Variants in NCAN observed in about 807,000 individuals in gnomAD.
NCAN encodes the protein neurocan core protein.
NCAN carries 47 observed loss-of-function variants against 121.8 expected under a neutral mutation model. The ratio of observed to expected loss-of-function variants is 0.39; its 90% confidence interval spans 0.31 to 0.49. The LOEUF is 0.49. NCAN is among the 20% of genes least tolerant of loss of function. NCAN has a pLI of 0.92. For synonymous variants in NCAN, 633 were observed against 702.0 expected, an observed-to-expected ratio of 0.90 and a Z score of 1.55; for missense variants, 1,517 against 1,773.4, an observed-to-expected ratio of 0.86 and a Z score of 2.60.
chr19:19,224,405 T>C lies in NCAN; in HGVS notation c.750T>C (p.Asp250=). The C allele has an allele frequency of 3.1e-6, 5 of 1,613,978 alleles. No individual in the cohort carries two copies. Among genetic ancestry groups the C allele is most frequent in the South Asian group, 1.1e-5 (1 of 91,084 alleles). The stretch of plus-strand genomic sequence containing the variant: ...GGCGCAACCCACAGGAACTCTACGA[T>C]GTGTATTGCTTTGCCCGGGAGCTGG... ...YGRRNPQELY[D]VYCFARELGG... is the part of the protein sequence containing the mutation. Residue 250 remains aspartate (D), a synonymous_variant, in exon 5 of 15, where the codon GAT becomes GAC. Transcript: ENST00000252575.
intron 10 of NCAN, among the ~76,000 whole-genome samples, chr19:19,235,638 A>G (rs1370827129): frequency 1.3e-5 from 2 of 148,672 alleles, no homozygotes; most frequent in African/African-American, 5.0e-5. Flanking sequence ...ATGTAGTGGC[A>G]CAATCTCAGC....
chr19:19,219,521 C>T (rs981427787), intron 3 of NCAN, among the ~76,000 whole-genome samples: 1 of 151,874 alleles, frequency 6.6e-6, no homozygotes, highest in African/African-American at 2.4e-5. Context: ...ATGGTGAAAC[C>T]TCGTCTCCAC....
intron 1 of NCAN, among the ~76,000 whole-genome samples, chr19:19,213,581 A>G (rs1223128050): frequency 1.4e-5 from 2 of 146,772 alleles, no homozygotes; most frequent in East Asian, 4.0e-4. Context: ...AAGTGCCCAT[A>G]TTGTCTCTCT....
At chr19:19,213,394 C>T (rs2060782530) in intron 1 of NCAN, among the ~76,000 whole-genome samples, 1 of 151,298 alleles carries the variant, frequency 6.6e-6, no homozygotes, top group Non-Finnish European at 1.5e-5. Context: ...TGATGGGTGT[C>T]CATCGGTCAC....
rs975108618 is a variant in NCAN at position 19,250,462 on chromosome 19, G to T, written c.*551G>T. Reference sequence around the variant, plus strand: ...CAGCCCAAGTTCCGTCTTTGGTCTTGGTGGATAAACACACAGTGTGGAGAT... The same window carrying T: ...CAGCCCAAGTTCCGTCTTTGGTCTTTGTGGATAAACACACAGTGTGGAGAT... On this transcript the variant is annotated 3_prime_UTR_variant, in exon 15 of 15. Coordinates refer to ENST00000252575, the MANE Select transcript of NCAN (RefSeq NM_004386.3). 3.2e-6 allele frequency: 1 copy of T among 315,690 alleles called. No homozygotes were observed. The highest frequency in any genetic ancestry group is 4.4e-5 in the Admixed American group (1 of 22,600). 19.6% of individuals were successfully genotyped at this position (315,690 alleles called of 1,614,324 possible). A position where few individuals can be genotyped will look rare whatever the true frequency, so the allele number is the denominator to read the frequency against.
intron 13 of NCAN, among the ~76,000 whole-genome samples, chr19:19,246,814 T>C (rs1448297362): frequency 1.3e-5 from 2 of 152,112 alleles, no homozygotes; most frequent in African/African-American, 4.8e-5. Flanking sequence ...AGTTCTGGGG[T>C]TACAGGTGTG....
At chr19:19,213,633 C>T (rs990371015) in intron 1 of NCAN, among the ~76,000 whole-genome samples, 5 of 151,980 alleles carry the variant, frequency 3.3e-5, no homozygotes, top group African/African-American at 9.7e-5. Context: ...TGTGTTTCCC[C>T]AGGGTCTGTG....
rs1185365195 is a variant in NCAN, at chr19:19,226,669, TGGA to T, written c.1261_1263del (p.Glu421del). ...AGTGGGGAAGAAGAAACCCTGATTT[TGGA>T]GGAGAAGCAGGAGTCTCAACAGACC... is the stretch of plus-strand genomic sequence containing the variant. On this transcript the variant is annotated inframe_deletion, in exon 7 of 15. Coordinates refer to ENST00000252575, the MANE Select transcript of NCAN (RefSeq NM_004386.3). 6.2e-7 allele frequency: 1 copy of T among 1,613,726 alleles called. No homozygotes were observed. Among genetic ancestry groups the T allele is most frequent in the South Asian group, 1.1e-5 (1 of 91,088 alleles).
chr19:19,240,470 C>G, intron 11 of NCAN, 133 bp from the exon 12 acceptor site: 3 of 791,568 alleles, frequency 3.8e-6, no homozygotes, highest in Non-Finnish European at 6.6e-6. Flanking sequence ...TTCCCCCCAC[C>G]CAGCCCACCT....
intron 1 of NCAN, among the ~76,000 whole-genome samples, chr19:19,214,626 T>A (rs761717140): frequency 7.2e-5 from 11 of 152,032 alleles, no homozygotes; most frequent in Non-Finnish European, 1.5e-4. Context: ...TGCTGGATAA[T>A]CTCCATTTTA....
At position 19,226,564 on chromosome 19, in the gene NCAN, G is replaced by A; in HGVS notation, c.1151G>A (p.Gly384Glu). 4 of 1,613,592 alleles carry A rather than the reference G, an allele frequency of 2.5e-6. No individual in the cohort carries two copies. The South Asian group carries it at 3.3e-5, about 13-fold the overall frequency. ...GDEGEILSAE[G>E]PPVRELEPTL... ...GAGGGGGAGATTCTGTCAGCAGAGG[G>A]GCCCCCAGTTAGAGAACTGGAGCCC... Residue 384 changes from glycine to glutamate, a missense_variant, in exon 7 of 15, where the codon GGG becomes GAG. Gly to Glu is a moderately conservative substitution (Grantham distance 98). Coordinates refer to ENST00000252575, the MANE Select transcript of NCAN (RefSeq NM_004386.3).
chr19:19,252,048 T>C lies in NCAN; in HGVS notation c.*2137T>C, dbSNP rs2060948319. The C allele has an allele frequency of 6.6e-6, 1 of 152,054 alleles. No homozygotes were observed. The highest frequency in any genetic ancestry group is 2.4e-5 in the African/African-American group (1 of 41,406). 9.4% of individuals were successfully genotyped at this position (152,054 alleles called of 1,614,324 possible). A position where few individuals can be genotyped will look rare whatever the true frequency, so the allele number is the denominator to read the frequency against. On this transcript the variant is annotated 3_prime_UTR_variant, in exon 15 of 15. Transcript: ENST00000252575. Reference sequence around the variant, plus strand: ...GCGGTTTGTCTTTTGATCTTTCCCTTTTGGATGTGCGTGTGTGTCTGCGTG... The same window carrying C: ...GCGGTTTGTCTTTTGATCTTTCCCTCTTGGATGTGCGTGTGTGTCTGCGTG...
At chr19:19,229,456 G>A (rs28409009) in intron 8 of NCAN, among the ~76,000 whole-genome samples, 15,281 of 152,176 alleles carry the variant, frequency 0.1, 1,518 homozygotes, top group African/African-American at 0.25. Context: ...GCTGGAATTC[G>A]GTGATTTGAC....
intron 10 of NCAN, among the ~76,000 whole-genome samples, chr19:19,235,680 G>C (rs1015800366): frequency 1.4e-5 from 2 of 147,624 alleles, no homozygotes; most frequent in Non-Finnish European, 3.0e-5. Context: ...TGGTCCAAGT[G>C]ATTCTCCTAC....
chr19:19,243,973 A>G (rs1197511984), intron 12 of NCAN, among the ~76,000 whole-genome samples: 1 of 152,130 alleles, frequency 6.6e-6, no homozygotes, highest in Non-Finnish European at 1.5e-5. Flanking sequence ...CGGAGGTAGC[A>G]GTGAGCGAGA....
At chr19:19,233,711 G>T in intron 8 of NCAN, 78 bp from the exon 9 acceptor site, 1 of 883,846 alleles carries the variant, frequency 1.1e-6, no homozygotes, top group South Asian at 1.4e-5. Context: ...GAGTGGTTTG[G>T]GGGCCTGGGG....
At chr19:19,234,929 C>T (rs2060875300) in intron 9 of NCAN, 54 bp from the exon 10 acceptor site, 1 of 1,208,134 alleles carries the variant, frequency 8.3e-7, no homozygotes, top group African/African-American at 1.5e-5. Context: ...CCTGTGGGGG[C>T]TCAGAGCCAA....
chr19:19,245,549 C>A, intron 13 of NCAN, 92 bp downstream of exon 13: 1 of 1,436,348 alleles, frequency 7.0e-7, no homozygotes, highest in South Asian at 1.3e-5. Flanking sequence ...ATAATCATGG[C>A]TCATCACAGC....
At chr19:19,241,176 A>C (rs1432722031) in intron 12 of NCAN, among the ~76,000 whole-genome samples, 1 of 152,078 alleles carries the variant, frequency 6.6e-6, no homozygotes, top group Non-Finnish European at 1.5e-5. Flanking sequence ...GAATCGCTTG[A>C]ACCTGTGAGG....
Sources: gnomAD v4.1 joint callset for allele counts (sites outside exome capture counted in the v4.1 genomes callset) on GRCh38, gnomAD v4.1.1 for gene constraint, MANE v1.5 for transcripts, NCBI Gene and HGNC (gene_info 2026-07-23, HGNC 2026-07-21) for gene names.